The following BRD10 variants were observed in gnomAD, a reference collection of about 807,000 sequenced individuals.
The protein encoded by BRD10 is bromodomain containing 10, also known as uncharacterized bromodomain-containing protein 10.
chr9:5,908,727 A>G, the BRD10 span: 3 of 1,602,522 alleles, frequency 1.9e-6, no homozygotes, highest in South Asian at 3.3e-5. Flanking sequence ...GAGACACCTG[A>G]GACATGCTGA....
chr9:5,920,989 T>C, the BRD10 span: 3 of 1,613,950 alleles, frequency 1.9e-6, no homozygotes, highest in South Asian at 3.3e-5. Context: ...AAGCAGAGGC[T>C]GAGGTCACTG....
At chr9:5,982,629 T>C in the BRD10 span, among the ~76,000 whole-genome samples, 1 of 152,204 alleles carries the variant, frequency 6.6e-6, no homozygotes, top group Admixed American at 6.5e-5. Context: ...GACTACCAGA[T>C]GTACTCCCTG....
the BRD10 span, among the ~76,000 whole-genome samples, chr9:5,959,280 C>T: frequency 6.6e-6 from 1 of 152,138 alleles, no homozygotes; most frequent in South Asian, 2.1e-4. Context: ...TTTCATAGCT[C>T]TTTAATGGTA....
At chr9:5,930,369 T>TTTTATATATATATATATATATA in the BRD10 span, among the ~76,000 whole-genome samples, 1,760 of 134,582 alleles carry the variant, frequency 0.013, 32 homozygotes, top group South Asian at 0.029. Context: ...TATAAGGAGA[T>TTTTATATATATATATATATATA]TATATATATA....
chr9:5,998,825 T>G, the BRD10 span, among the ~76,000 whole-genome samples: 1 of 152,082 alleles, frequency 6.6e-6, no homozygotes, highest in Admixed American at 6.6e-5. Flanking sequence ...TAATAAGTAG[T>G]AGAAATCACT....
the BRD10 span, among the ~76,000 whole-genome samples, chr9:5,941,097 A>C: frequency 2.6e-5 from 4 of 152,130 alleles, no homozygotes; most frequent in Non-Finnish European, 5.9e-5. Context: ...AAGGGCATTA[A>C]ACAAATATGA....
At chr9:5,989,720 G>C in the BRD10 span, among the ~76,000 whole-genome samples, 1 of 151,862 alleles carries the variant, frequency 6.6e-6, no homozygotes, top group Non-Finnish European at 1.5e-5. Flanking sequence ...GTAGAGACAG[G>C]GTTTCACCAT....
the BRD10 span, among the ~76,000 whole-genome samples, chr9:5,957,230 T>C: frequency 1.3e-5 from 2 of 152,274 alleles, no homozygotes; most frequent in African/African-American, 4.8e-5. Flanking sequence ...TCTACTGTAA[T>C]ACTGGATAAC....
At chr9:5,944,801 G>T in the BRD10 span, 1 of 642,436 alleles carries the variant, frequency 1.6e-6, no homozygotes, top group Admixed American at 3.7e-5. Flanking sequence ...TTTCAAAAAG[G>T]CTTTAGGAAA....
the BRD10 span, among the ~76,000 whole-genome samples, chr9:5,934,954 T>C: frequency 6.6e-6 from 1 of 152,206 alleles, no homozygotes; most frequent in Non-Finnish European, 1.5e-5. Flanking sequence ...TCAATAAGTA[T>C]TCACCTATTT....
chr9:5,919,583 C>CACACACACACACACACACAA, the BRD10 span: 2 of 1,025,392 alleles, frequency 2.0e-6, no homozygotes, highest in Non-Finnish European at 2.8e-6. Context: ...CACACACACA[C>CACACACACACACACACACAA]AATGTATAGT....
At chr9:5,970,702 T>C in the BRD10 span, among the ~76,000 whole-genome samples, 1 of 152,158 alleles carries the variant, frequency 6.6e-6, no homozygotes, top group East Asian at 1.9e-4. Context: ...GACTTGTATA[T>C]AGAATATATA....
At chr9:5,993,452 G>A in the BRD10 span, among the ~76,000 whole-genome samples, 1 of 152,072 alleles carries the variant, frequency 6.6e-6, no homozygotes, top group Admixed American at 6.6e-5. Flanking sequence ...AAGATGTGAT[G>A]TTTATTTAAT....
chr9:5,955,114 T>C, the BRD10 span, among the ~76,000 whole-genome samples: 9 of 151,814 alleles, frequency 5.9e-5, no homozygotes, highest in Middle Eastern at 3.2e-3. Context: ...TAAAATAAAA[T>C]TCTATTTTTA....
chr9:5,942,586 G>C, the BRD10 span, among the ~76,000 whole-genome samples: 1 of 152,104 alleles, frequency 6.6e-6, no homozygotes, highest in African/African-American at 2.4e-5. Flanking sequence ...TGTTTCATTG[G>C]TTAAGATAGT....
At chr9:5,950,158 A>C in the BRD10 span, among the ~76,000 whole-genome samples, 1 of 152,230 alleles carries the variant, frequency 6.6e-6, no homozygotes, top group Non-Finnish European at 1.5e-5. Flanking sequence ...TTGTAGGCTT[A>C]ATCATGTGCC....
chr9:5,927,018 G>A, the BRD10 span, among the ~76,000 whole-genome samples: 16 of 152,272 alleles, frequency 1.1e-4, no homozygotes, highest in Middle Eastern at 0.017. Context: ...CATGAGGGCT[G>A]TGAAAGGTAT....
At chr9:5,973,905 G>A in the BRD10 span, among the ~76,000 whole-genome samples, 1 of 151,998 alleles carries the variant, frequency 6.6e-6, no homozygotes, top group African/African-American at 2.4e-5. Context: ...CAAAACAAAA[G>A]CAAGAGACAA....
the BRD10 span, among the ~76,000 whole-genome samples, chr9:5,946,685 T>C: frequency 6.6e-6 from 1 of 152,120 alleles, no homozygotes; most frequent in Non-Finnish European, 1.5e-5. Context: ...TATCAAATCA[T>C]AGATTTCTTA....
Sources: allele counts gnomAD v4.1 joint callset (sites outside exome capture counted in the v4.1 genomes callset), GRCh38; gene constraint gnomAD v4.1.1; transcripts MANE v1.5; gene names NCBI Gene and HGNC (gene_info 2026-07-23, HGNC 2026-07-21).